Variants in TMEM131 observed in about 807,000 individuals in gnomAD.
The protein encoded by TMEM131 is 2610524E03Rik.
TMEM131 carries 66 observed loss-of-function variants against 211.6 expected under a neutral mutation model. That is an observed-to-expected ratio of 0.31 (90% CI 0.26 to 0.38). The LOEUF (loss-of-function observed/expected upper bound fraction) is 0.38. Among genes scored for constraint, TMEM131 ranks in the 10% least tolerant of loss-of-function variants. TMEM131 has a pLI of 1.00. For synonymous variants in TMEM131, 844 were observed against 841.3 expected (o/e 1.00, Z -0.06); for missense variants, 2,036 against 2,299.3 (o/e 0.89, Z 2.34).
chr2:97,787,550 G>C (rs149768732), intron 31 of TMEM131, among the ~76,000 whole-genome samples: 1 of 152,250 alleles, frequency 6.6e-6, no homozygotes, highest in African/African-American at 2.4e-5. Context: ...CCATTGTCTG[G>C]GCCCCAGGCC....
intron 1 of TMEM131, among the ~76,000 whole-genome samples, chr2:97,949,149 T>G (rs554438123): frequency 1.3e-5 from 2 of 152,234 alleles, no homozygotes; most frequent in South Asian, 4.1e-4. Context: ...GATAAACAAA[T>G]TGTGATACAG....
intron 4 of TMEM131, among the ~76,000 whole-genome samples, chr2:97,860,093 A>C (rs909479335): frequency 2.0e-5 from 3 of 152,202 alleles, no homozygotes; most frequent in African/African-American, 7.2e-5. Context: ...CTTAGAAGTG[A>C]AACTTTATTC....
At chr2:97,954,339 T>C (rs1170240045) in intron 1 of TMEM131, among the ~76,000 whole-genome samples, 1 of 152,212 alleles carries the variant, frequency 6.6e-6, no homozygotes, top group Admixed American at 6.5e-5. Flanking sequence ...CTTCATACTA[T>C]AGCCATTAGA....
At chr2:97,892,237 G>GT (rs1675405927) in intron 3 of TMEM131, among the ~76,000 whole-genome samples, 1 of 152,096 alleles carries the variant, frequency 6.6e-6, no homozygotes, top group African/African-American at 2.4e-5. Flanking sequence ...TTATTCAGTT[G>GT]TAAGAGTTCT....
intron 1 of TMEM131, among the ~76,000 whole-genome samples, chr2:97,977,563 T>C (rs562910188): frequency 1.3e-5 from 2 of 152,368 alleles, no homozygotes; most frequent in South Asian, 4.1e-4. Flanking sequence ...GATTTCCCAG[T>C]GCTTATAAAA....
At chr2:97,796,573 G>A (rs1435330020) in intron 27 of TMEM131, among the ~76,000 whole-genome samples, 169 bp from the exon 28 acceptor site, 1 of 152,104 alleles carries the variant, frequency 6.6e-6, no homozygotes, top group Non-Finnish European at 1.5e-5. Flanking sequence ...AATCTACTTT[G>A]ATAAATCATT....
intron 19 of TMEM131, among the ~76,000 whole-genome samples, chr2:97,809,117 G>C (rs1216398831): frequency 6.6e-6 from 1 of 152,176 alleles, no homozygotes; most frequent in Non-Finnish European, 1.5e-5. Flanking sequence ...GCTCAGCTCT[G>C]ATGATGTCAA....
At position 97,914,499 on chromosome 2, in the gene TMEM131, T is replaced by A. The variant is rs375742801; in HGVS notation, c.250-5801A>T. Among the ~76,000 whole-genome samples the A allele has an allele frequency of 3.3e-5, 5 of 152,292 alleles. No homozygotes were observed. The East Asian group carries it at 5.8e-4, about 18-fold the overall frequency. ...CAGAACAGTGTCAGCACCCTGAGAA[T>A]CCAGTGTGTCGCTTTTATAATCACA... is the stretch of plus-strand genomic sequence containing the variant. On this transcript the variant is annotated intron_variant, in intron 2 of 40. Transcript: ENST00000186436.
chr2:97,822,517 T>C (rs901392329), intron 11 of TMEM131, among the ~76,000 whole-genome samples: 3 of 152,164 alleles, frequency 2.0e-5, no homozygotes, highest in African/African-American at 7.2e-5. Context: ...AACAGGAGAA[T>C]GCTTAGAACT....
intron 29 of TMEM131, among the ~76,000 whole-genome samples, chr2:97,793,903 A>G (rs986856770): frequency 7.0e-6 from 1 of 142,312 alleles, no homozygotes; most frequent in Non-Finnish European, 1.5e-5. Context: ...CTGAGGCAGG[A>G]GAATGGCATG....
chr2:97,919,911 C>T (rs148001904), intron 2 of TMEM131, among the ~76,000 whole-genome samples: 19 of 152,278 alleles, frequency 1.2e-4, no homozygotes, highest in Non-Finnish European at 2.4e-4. Context: ...CAGCTCAGAT[C>T]TCCCTACAAG....
intron 7 of TMEM131, 134 bp from the exon 8 acceptor site, chr2:97,837,291 G>T (rs2105078574): frequency 1.7e-6 from 1 of 594,484 alleles, no homozygotes; most frequent in South Asian, 2.4e-5. Context: ...CGTAGGATAT[G>T]TATAATATCA....
intron 1 of TMEM131, among the ~76,000 whole-genome samples, chr2:97,992,279 T>C (rs1236471108): frequency 2.6e-5 from 4 of 152,254 alleles, no homozygotes; most frequent in African/African-American, 9.6e-5. Context: ...TTCTTATCTG[T>C]TTTCTTGTGG....
rs1157319615 is a variant in TMEM131 at position 97,995,487 on chromosome 2, G to A, written c.176C>T (p.Ala59Val). The change falls in exon 1 of 41, where the codon GCC becomes GTC. Residue 59 changes from alanine (A) to valine (V), a missense_variant. Around this residue, in one of 3 missense-constraint regions of TMEM131, gnomAD observed 136 missense variants for 115.4 expected, o/e 1.18. Coordinates refer to ENST00000186436, the MANE Select transcript of TMEM131 (RefSeq NM_015348.2). ...CGGGGGACACCCACCTTCCTTCTCG[G>A]CCCGCGCCGCAGCCACTACGAGGGT... ...VMTLVVAAAR[A>V]EKEAFVQSES... 2.1e-6 allele frequency: 3 copies of A among 1,407,946 alleles called. No individual in the cohort carries two copies. The allele number at this position is 1,407,946 out of a possible 1,614,324, so 87.2% of individuals were successfully genotyped here. A position where few individuals can be genotyped will look rare whatever the true frequency, so the allele number is the denominator to read the frequency against.
At chr2:97,972,481 A>AGGGAAGGCGGGC (rs1553622403) in intron 1 of TMEM131, among the ~76,000 whole-genome samples, 3 of 12,890 alleles carry the variant, frequency 2.3e-4, no homozygotes, top group African/African-American at 6.0e-4. Context: ...GGCGGGAGGG[A>AGGGAAGGCGGGC]GGGAAGGCGG....
chr2:97,919,377 AT>A (rs1161016442), intron 2 of TMEM131, among the ~76,000 whole-genome samples: 1 of 151,694 alleles, frequency 6.6e-6, no homozygotes, highest in Admixed American at 6.6e-5. Flanking sequence ...TAAAATGTCG[AT>A]TTCACTTTCA....
chr2:97,835,166 G>T (rs769937235), intron 8 of TMEM131, among the ~76,000 whole-genome samples: 1 of 152,180 alleles, frequency 6.6e-6, no homozygotes, highest in African/African-American at 2.4e-5. Flanking sequence ...CAAAGCAAAA[G>T]AAGTCAAATG....
In TMEM131 at chr2:97,789,625, C is replaced by T. The variant is rs574945813; in HGVS notation, c.4144+2761G>A. On this transcript the variant is annotated intron_variant, in intron 31 of 40. Transcript: ENST00000186436. ...GCCACACCTCTCTGCCTCTCCCTAC[C>T]CTTGATAAAGCCAAAGCCAGAAACG... 2.6e-5 allele frequency among the ~76,000 whole-genome samples: 4 copies of T among 152,310 alleles called. No homozygotes were observed. The East Asian group carries it at 5.8e-4, about 22-fold the overall frequency.
Position 97,760,871 on chromosome 2 carries a change from T to A in TMEM131, c.4933A>T (p.Thr1645Ser). 6.2e-7 allele frequency: 1 copy of A among 1,614,028 alleles called. No homozygotes were observed. Residue 1645 changes from threonine (T) to serine (S), a missense_variant, in exon 37 of 41, where the codon ACA (threonine) becomes TCA (serine). Physicochemically the swap from Thr to Ser is moderately conservative, Grantham distance 58 (BLOSUM62 1). Transcript: ENST00000186436. Reference protein sequence around the residue: ...KQPNGSKHKLTKAASLPGKNG... With the variant: ...KQPNGSKHKLSKAASLPGKNG... The stretch of plus-strand genomic sequence containing the variant: ...TTGCCCGGGAGCGAGGCTGCCTTTG[T>A]CAACTTGTGTTTGCTTCCATTTGGC...
Sources: gnomAD v4.1 joint callset for allele counts (sites outside exome capture counted in the v4.1 genomes callset) on GRCh38, gnomAD v4.1.1 for gene constraint, gnomAD v4.1.1 regional missense constraint, MANE v1.5 for transcripts, NCBI Gene and HGNC (gene_info 2026-07-23, HGNC 2026-07-21) for gene names.